RSPH14: variants seen among roughly 807,000 people sequenced by gnomAD.
RSPH14 encodes rhabdoid tumor deletion region gene 1.
Under a neutral mutation model 26.7 loss-of-function variants are expected in RSPH14, and 20 were observed. That is an observed-to-expected ratio of 0.75 (90% CI 0.53 to 1.09). The LOEUF (loss-of-function observed/expected upper bound fraction) is 1.09. Among genes scored for constraint, RSPH14 ranks in the 50% least tolerant of loss-of-function variants. The pLI is 0.00. For synonymous variants in RSPH14, 177 were observed against 189.3 expected (o/e 0.93, Z 0.53); for missense variants, 449 against 457.2 (o/e 0.98, Z 0.16).
chr22:23,101,180 T>A (rs2069292349), intron 4 of RSPH14, among the ~76,000 whole-genome samples: 1 of 152,168 alleles, frequency 6.6e-6, no homozygotes, highest in South Asian at 2.1e-4. Flanking sequence ...TATCCTTTAG[T>A]GTTCCTAACC....
intron 4 of RSPH14, among the ~76,000 whole-genome samples, chr22:23,064,432 G>A (rs1398473405): frequency 6.6e-5 from 10 of 152,188 alleles, no homozygotes; most frequent in Non-Finnish European, 1.3e-4. Context: ...CACAGCAGCT[G>A]GAGAGGCAAT....
chr22:23,171,570 G>A, the RSPH14 span, among the ~76,000 whole-genome samples: 2 of 152,134 alleles, frequency 1.3e-5, no homozygotes, highest in South Asian at 4.2e-4. Flanking sequence ...CATGCTGAGC[G>A]CGGTGGCTCA....
upstream of RSPH14, chr22:23,149,963 G>C (rs2071007562): frequency 1.1e-6 from 1 of 936,052 alleles, no homozygotes; most frequent in African/African-American, 1.6e-5. Flanking sequence ...GTGAGGCCTA[G>C]GAAGGAAGGC....
intron 4 of RSPH14, chr22:23,131,389 AG>A (rs11309131): frequency 0.032 from 7,664 of 239,540 alleles, 598 homozygotes; most frequent in African/African-American, 0.16. Flanking sequence ...GCTCAAGGAA[AG>A]GCAGGAGGAA....
chr22:23,176,397 A>C, the RSPH14 span, among the ~76,000 whole-genome samples: 5 of 152,202 alleles, frequency 3.3e-5, no homozygotes, highest in African/African-American at 7.2e-5. Context: ...CATTTGCTTG[A>C]TACACCGCTT....
chr22:23,100,784 T>C (rs1237570381), intron 4 of RSPH14, among the ~76,000 whole-genome samples: 1 of 152,154 alleles, frequency 6.6e-6, no homozygotes, highest in Non-Finnish European at 1.5e-5. Context: ...GGCTTCTGGG[T>C]GCAGAGCAGC....
the RSPH14 span, chr22:23,153,399 C>T: frequency 4.4e-6 from 1 of 227,678 alleles, no homozygotes; most frequent in Non-Finnish European, 7.3e-6. Context: ...CCCCAATGCC[C>T]ACCCCACTCC....
At chr22:23,114,911 A>G (rs2267003) in intron 4 of RSPH14, among the ~76,000 whole-genome samples, 87,091 of 152,058 alleles carry the variant, frequency 0.57, 25,316 homozygotes, top group African/African-American at 0.65. Context: ...AGGTGAGGAA[A>G]GGGAGAGGGC....
chr22:23,111,553 A>G (rs1354431843), intron 4 of RSPH14, among the ~76,000 whole-genome samples: 1 of 152,196 alleles, frequency 6.6e-6, no homozygotes, highest in Admixed American at 6.5e-5. Context: ...AGAGACACCA[A>G]AGCACTCCAG....
chr22:23,107,526 G>A (rs1044353563), intron 4 of RSPH14, among the ~76,000 whole-genome samples: 1 of 152,168 alleles, frequency 6.6e-6, no homozygotes, highest in Non-Finnish European at 1.5e-5. Context: ...TGTGCCACTC[G>A]AGAGTCTCCA....
rs561918692 is a variant in RSPH14, at chr22:23,115,691, C to T, written c.421+18335G>A. On this transcript the variant is annotated intron_variant, in intron 4 of 6. Transcript: ENST00000216036. ...TGAGGCCCTGAGCACTGCTGGCCACCCCTGCAAATGGAGGGGCCCCACCTG... is the reference window on the plus strand; with the variant it reads ...TGAGGCCCTGAGCACTGCTGGCCACTCCTGCAAATGGAGGGGCCCCACCTG... 8.3e-4 allele frequency among the ~76,000 whole-genome samples: 127 copies of T among 152,346 alleles called. 1 individual carries two copies. Among genetic ancestry groups the T allele is most frequent in the African/African-American group, 2.9e-3 (122 of 41,582 alleles).
At chr22:23,149,569 ACT>A (rs1430738024), upstream of RSPH14, among the ~76,000 whole-genome samples, 3 of 152,170 alleles carry the variant, frequency 2.0e-5, no homozygotes, top group Non-Finnish European at 4.4e-5. Context: ...ACAGGGTCTC[ACT>A]CTGTCACCCA....
At chr22:23,153,076 G>T in the RSPH14 span, 2 of 1,613,966 alleles carry the variant, frequency 1.2e-6, no homozygotes, top group East Asian at 2.2e-5. Flanking sequence ...GGCCACCATT[G>T]GGGTGGACTT....
At chr22:23,063,377 A>G (rs910525503) in intron 5 of RSPH14, among the ~76,000 whole-genome samples, 1 of 152,210 alleles carries the variant, frequency 6.6e-6, no homozygotes, top group African/African-American at 2.4e-5. Context: ...AAAGGGGCCC[A>G]GTGTGAGAAC....
the RSPH14 span, among the ~76,000 whole-genome samples, chr22:23,167,845 T>C: frequency 1.3e-5 from 2 of 151,960 alleles, no homozygotes; most frequent in Non-Finnish European, 2.9e-5. Flanking sequence ...TGCACCTGGC[T>C]TCATTGACTA....
At chr22:23,152,756 C>G in the RSPH14 span, among the ~76,000 whole-genome samples, 9 of 152,314 alleles carry the variant, frequency 5.9e-5, no homozygotes, top group African/African-American at 2.2e-4. Flanking sequence ...CAGACTGTCC[C>G]CCTGGGGCCA....
chr22:23,145,476 C>T (rs1328152729), upstream of RSPH14: 1 of 1,609,452 alleles, frequency 6.2e-7, no homozygotes, highest in Non-Finnish European at 8.5e-7. Context: ...GCGTGGCTCT[C>T]GTTGCCATGG....
chr22:23,151,270 A>G, the RSPH14 span, among the ~76,000 whole-genome samples: 2 of 152,324 alleles, frequency 1.3e-5, no homozygotes, highest in South Asian at 2.1e-4. Context: ...CACACAGATG[A>G]TCTCCCTGAT....
At chr22:23,086,615 C>T (rs147665619) in intron 4 of RSPH14, among the ~76,000 whole-genome samples, 130 of 152,322 alleles carry the variant, frequency 8.5e-4, no homozygotes, top group African/African-American at 3.0e-3. Context: ...TGCCCAGCTT[C>T]CCTGAGAAAG....
Sources: allele counts gnomAD v4.1 joint callset (sites outside exome capture counted in the v4.1 genomes callset), GRCh38; gene constraint gnomAD v4.1.1; transcripts MANE v1.5; gene names NCBI Gene and HGNC (gene_info 2026-07-23, HGNC 2026-07-21).